Variants in TNXB observed in about 807,000 individuals in gnomAD.
The protein encoded by TNXB is tenascin-X.
A neutral mutation model predicts 340.5 loss-of-function variants in TNXB; 183 were observed. The observed-to-expected ratio is 0.54, with a 90% CI of 0.48 to 0.61. The LOEUF (loss-of-function observed/expected upper bound fraction) is 0.61, where lower values mean the gene tolerates loss of function less well. TNXB is among the 20% of genes least tolerant of loss of function. The pLI is 0.00. For missense variants in TNXB, 4,613 were observed against 5,446.4 expected (o/e 0.85, Z 4.82); for synonymous variants, 2,121 against 2,314.5 (o/e 0.92, Z 2.40).
chr6:32,097,435 G>A lies in TNXB; in HGVS notation c.418C>T (p.Arg140Trp), dbSNP rs1420372911. Residue 140 changes from arginine to tryptophan, a missense_variant, in exon 3 of 44, where the codon CGG becomes TGG. Arg to Trp is a moderately radical substitution (Grantham distance 101, BLOSUM62 -3). Around this residue, in one of 7 missense-constraint regions of TNXB, gnomAD observed 4,327 missense variants for 4,859.4 expected, o/e 0.89. Transcript: ENST00000644971. The surrounding 1 kb of genome is among the most constrained non-coding windows in gnomAD (Gnocchi z 5.9). ...ACACCATGGAGACTGCAGAGGGTCC[G>A]CACATCTGTCTGACCTGGAGTAGGA... ...AQAGTGQTDV[R>W]TLCSLHGVFD... The A allele has an allele frequency of 3.8e-6, 6 of 1,596,726 alleles. No individual in the cohort carries two copies. The highest frequency in any genetic ancestry group is 2.6e-6 in the Non-Finnish European group (3 of 1,173,580).
In TNXB at chr6:32,085,689, C is replaced by T; in HGVS notation, c.3148+61G>A. 1.4e-6 allele frequency: 2 copies of T among 1,472,892 alleles called. No individual in the cohort carries two copies. Among genetic ancestry groups the T allele is most frequent in the Non-Finnish European group, 9.0e-7 (1 of 1,110,970 alleles). 91.2% of individuals were successfully genotyped at this position (1,472,892 alleles called of 1,614,324 possible). A position where few individuals can be genotyped will look rare whatever the true frequency, so the allele number is the denominator to read the frequency against. On this transcript the variant is annotated intron_variant, in intron 7 of 43. Coordinates refer to ENST00000644971, the MANE Select transcript of TNXB (RefSeq NM_001365276.2). The surrounding 1 kb of genome is among the most constrained non-coding windows in gnomAD (Gnocchi z 6.4). Reference sequence around the variant, plus strand: ...AATATCCATCCTACCTCTGAAGTCCCAATAACCCCAGCTCCTCCCCCAATC... The same window carrying T: ...AATATCCATCCTACCTCTGAAGTCCTAATAACCCCAGCTCCTCCCCCAATC...
intron 1 of TNXB, among the ~76,000 whole-genome samples, chr6:32,099,260 A>C (rs1275531175): frequency 6.8e-6 from 1 of 146,254 alleles, no homozygotes; most frequent in Non-Finnish European, 1.5e-5. Flanking sequence ...TTGAGATGGA[A>C]TCTTACTCTG....
intron 21 of TNXB, among the ~76,000 whole-genome samples, chr6:32,060,519 G>A (rs557479305): frequency 6.6e-6 from 1 of 152,020 alleles, no homozygotes; most frequent in African/African-American, 2.4e-5. Flanking sequence ...AAAAAAATGT[G>A]CTGGAATATT....
rs749860898 is a variant in TNXB at position 32,072,537 on chromosome 6, T to C, written c.4682-239A>G. On this transcript the variant is annotated intron_variant, in intron 12 of 43. Transcript: ENST00000644971. The surrounding 1 kb of genome is among the most constrained non-coding windows in gnomAD (Gnocchi z 4.4). Reference sequence around the variant, plus strand: ...ATGTTTTCATGTCACCTTAGAGTTATTGCAGAAACTTTAAAATACCTTTTA... The same window carrying C: ...ATGTTTTCATGTCACCTTAGAGTTACTGCAGAAACTTTAAAATACCTTTTA... 6.6e-6 allele frequency among the ~76,000 whole-genome samples: 1 copy of C among 152,270 alleles called. No individual in the cohort carries two copies. Among genetic ancestry groups the C allele is most frequent in the Non-Finnish European group, 1.5e-5 (1 of 68,046 alleles).
rs2151921014 is a variant in TNXB, at chr6:32,073,683, G to A, written c.4645C>T (p.Gln1549Ter). 1 of 1,609,554 alleles carries A rather than the reference G, an allele frequency of 6.2e-7. No homozygotes were observed. The highest frequency in any genetic ancestry group is 1.7e-5 in the Admixed American group (1 of 59,996). Residue 1549 changes from glutamine to a stop codon, truncating the protein, a stop_gained, in exon 12 of 44, where the codon CAA (glutamine) becomes TAA (stop). Transcript: ENST00000644971. LOFTEE classifies it high-confidence loss of function. The surrounding 1 kb of genome is among the most constrained non-coding windows in gnomAD (Gnocchi z 4.6). ...KMNMYGLHDGQRMGPLSVVIV... is the reference protein window; with the variant it reads ...KMNMYGLHDG ...ACCACAGACAGGGGGCCCATGCGTT[G>A]CCCATCATGTAGTCCATACATGTTC... is the stretch of plus-strand genomic sequence containing the variant.
In TNXB at chr6:32,084,839, C is replaced by T; in HGVS notation, c.3149-130G>A. The T allele has an allele frequency of 1.4e-6, 1 of 738,666 alleles. No homozygotes were observed. The highest frequency in any genetic ancestry group is 2.0e-6 in the Non-Finnish European group (1 of 492,938). The allele number at this position is 738,666 out of a possible 1,614,324, so 45.8% of individuals were successfully genotyped here. A position where few individuals can be genotyped will look rare whatever the true frequency, so the allele number is the denominator to read the frequency against. On this transcript the variant is annotated intron_variant, in intron 7 of 43. Coordinates refer to ENST00000644971, the MANE Select transcript of TNXB (RefSeq NM_001365276.2). The surrounding 1 kb of genome is among the most constrained non-coding windows in gnomAD (Gnocchi z 5.5). ...CTCCCCGGAAGACTCTATCTGCCCA[C>T]CCCTCAGTGACTAGCTCTTCTGGAA...
chr6:32,094,084 ACTCT>A (rs1218824557), intron 4 of TNXB, among the ~76,000 whole-genome samples: 1 of 119,386 alleles, frequency 8.4e-6, no homozygotes, highest in African/African-American at 3.5e-5. Flanking sequence ...ACAGAGTGAG[ACTCT>A]CTGTCTCAAA....
intron 13 of TNXB, among the ~76,000 whole-genome samples, chr6:32,071,641 A>T (rs543456043): frequency 6.8e-6 from 1 of 147,330 alleles, no homozygotes; most frequent in East Asian, 2.0e-4. Context: ...GCTGGAGTGC[A>T]GTGGCGCAAT....
intron 28 of TNXB, among the ~76,000 whole-genome samples, chr6:32,048,942 C>T (rs1307904192): frequency 6.6e-6 from 1 of 152,208 alleles, no homozygotes; most frequent in Non-Finnish European, 1.5e-5. Context: ...AAGGCACATG[C>T]AGATCTGGGC....
Position 32,087,752 on chromosome 6 carries a change from G to A in TNXB, c.2779+1033C>T, listed in dbSNP as rs770265925. On this transcript the variant is annotated intron_variant, in intron 6 of 43. Transcript: ENST00000644971. This position sits in a 1 kb window ranked among gnomAD's most constrained non-coding sequence, Gnocchi z 9.0. ...CGCAGTGGGTAGCCGTGAGCCCGCA[G>A]GTGGCGCTCCAGGTCCTGCACCGTG... 2.0e-6 allele frequency: 1 copy of A among 506,898 alleles called. No individual in the cohort carries two copies. Among genetic ancestry groups the A allele is most frequent in the Non-Finnish European group, 3.9e-6 (1 of 255,282 alleles). 31.4% of individuals were successfully genotyped at this position (506,898 alleles called of 1,614,324 possible).
At chr6:32,055,534 C>G (rs1024680768) in intron 24 of TNXB, among the ~76,000 whole-genome samples, 1 of 152,128 alleles carries the variant, frequency 6.6e-6, no homozygotes, top group African/African-American at 2.4e-5. Flanking sequence ...ACAGAGAAAG[C>G]ACACTACCAG....
At chr6:32,092,300 G>A (rs1780109681) in intron 4 of TNXB, among the ~76,000 whole-genome samples, 1 of 152,216 alleles carries the variant, frequency 6.6e-6, no homozygotes, top group African/African-American at 2.4e-5. Context: ...GAACCACTGA[G>A]TCAGAGTAAC....
chr6:32,107,186 G>A (rs755787582), intron 1 of TNXB, among the ~76,000 whole-genome samples: 17 of 152,144 alleles, frequency 1.1e-4, no homozygotes, highest in Non-Finnish European at 1.9e-4. Context: ...ATACTTCCCC[G>A]TACCCCTGGA....
At chr6:32,086,453 G>C (rs910670281) in intron 6 of TNXB, among the ~76,000 whole-genome samples, 35 of 152,186 alleles carry the variant, frequency 2.3e-4, no homozygotes, top group Admixed American at 1.3e-3. Flanking sequence ...TGGTGGTCAG[G>C]TGGCTTCCAT....
Position 32,062,465 on chromosome 6 carries a change from T to G in TNXB, c.6860A>C (p.Glu2287Ala). ...VGLTAPGKDE[E>A]MAPASTEPPT... ...AGGTTCTGTCGAGGCTGGGGCCATT[T>G]CTTCATCCTTTCCTGGGGCTGCATC... The change falls in exon 20 of 44, where the codon GAA becomes GCA. Residue 2287 changes from glutamate to alanine, a missense_variant. Around this residue, in one of 7 missense-constraint regions of TNXB, gnomAD observed 4,327 missense variants for 4,859.4 expected, o/e 0.89. Transcript: ENST00000644971. This position sits in a 1 kb window ranked among gnomAD's most constrained non-coding sequence, Gnocchi z 4.3. 6.2e-7 allele frequency: 1 copy of G among 1,605,702 alleles called. No individual in the cohort carries two copies. Among genetic ancestry groups the G allele is most frequent in the Non-Finnish European group, 8.5e-7 (1 of 1,174,642 alleles).
In TNXB at chr6:32,079,302, G is replaced by A. The variant is rs913492853; in HGVS notation, c.4106C>T (p.Ser1369Phe). The A allele has an allele frequency of 1.9e-6, 3 of 1,612,872 alleles. No homozygotes were observed. In the African/African-American group the frequency reaches 4.0e-5, roughly 21 times the overall value. The part of the protein sequence containing the change: ...PTELGTEAPE[S>F]PEEPLLGELT... ...CTCCCCCAGGAGCGGCTCCTCGGGG[G>A]ACTCCGGGGCCTCCGTGCCCAGTTC... The change falls in exon 11 of 44, where the codon TCC becomes TTC. Residue 1369 changes from serine to phenylalanine, a missense_variant. Physicochemically the swap from Ser to Phe is radical, Grantham distance 155. Coordinates refer to ENST00000644971, the MANE Select transcript of TNXB (RefSeq NM_001365276.2). The surrounding 1 kb of genome is among the most constrained non-coding windows in gnomAD (Gnocchi z 7.1).
At chr6:32,107,595 T>C (rs1781046493) in intron 1 of TNXB, among the ~76,000 whole-genome samples, 1 of 152,134 alleles carries the variant, frequency 6.6e-6, no homozygotes, top group Non-Finnish European at 1.5e-5. Context: ...CCTCACCCTC[T>C]TGGCACCCTC....
chr6:32,067,971 C>A lies in TNXB; in HGVS notation c.6234G>T (p.Glu2078Asp). Residue 2078 changes from glutamate to aspartate, a missense_variant, in exon 18 of 44, where the codon GAG becomes GAT. By Grantham distance (45) the Glu-to-Asp change is conservative. This residue lies in a region of TNXB where 4,327 missense variants were observed against 4,859.4 expected (regional missense o/e 0.89). Transcript: ENST00000644971. The surrounding 1 kb of genome is among the most constrained non-coding windows in gnomAD (Gnocchi z 4.2). ...TGCTGGGTTCTGTGGGGCTGGGGGTCTCTTCCTCTGCAGCTGAGAAGGAGG... is the reference window on the plus strand; with the variant it reads ...TGCTGGGTTCTGTGGGGCTGGGGGTATCTTCCTCTGCAGCTGAGAAGGAGG... ...SVVGVTAAEE[E>D]TPSPTEPSME... 1.2e-6 allele frequency: 2 copies of A among 1,611,158 alleles called. No individual in the cohort carries two copies. Among genetic ancestry groups the A allele is most frequent in the Non-Finnish European group, 1.7e-6 (2 of 1,178,920 alleles).
At position 32,079,371 on chromosome 6, in the gene TNXB, A is replaced by G. The variant is rs753590660; in HGVS notation, c.4043-6T>C. 32 of 1,594,988 alleles carry G rather than the reference A, an allele frequency of 2.0e-5. No homozygotes were observed. Among genetic ancestry groups the G allele is most frequent in the Non-Finnish European group, 2.6e-5 (31 of 1,170,430 alleles). On this transcript the variant is annotated splice_region_variant and splice_polypyrimidine_tract_variant and intron_variant, in intron 10 of 43. Coordinates refer to ENST00000644971, the MANE Select transcript of TNXB (RefSeq NM_001365276.2). This position sits in a 1 kb window ranked among gnomAD's most constrained non-coding sequence, Gnocchi z 7.1. Reference sequence around the variant, plus strand: ...GTCCACATCCTCCTGAGGAGCTGAGAGAAGAGATAGAGGCATAAAGGGCTG... The same window carrying G: ...GTCCACATCCTCCTGAGGAGCTGAGGGAAGAGATAGAGGCATAAAGGGCTG...
Sources: gnomAD v4.1 joint callset for allele counts (sites outside exome capture counted in the v4.1 genomes callset) on GRCh38, gnomAD v4.1.1 for gene constraint, gnomAD v4.1.1 regional missense constraint, Gnocchi (gnomAD v3.1) non-coding constraint, MANE v1.5 for transcripts, NCBI Gene and HGNC (gene_info 2026-07-23, HGNC 2026-07-21) for gene names.